TYSND1: variants seen among roughly 807,000 people sequenced by gnomAD.
The protein encoded by TYSND1 is trypsin like peroxisomal matrix peptidase 1.
TYSND1 carries 30 observed loss-of-function variants against 37.2 expected under a neutral mutation model. That is an observed-to-expected ratio of 0.81 (90% confidence interval 0.60 to 1.09). The LOEUF (loss-of-function observed/expected upper bound fraction) is 1.09. TYSND1 is among the 50% of genes least tolerant of loss of function. The pLI is 0.00. For synonymous variants in TYSND1, 364 were observed against 383.8 expected, an observed-to-expected ratio of 0.95 and a Z score of 0.60; for missense variants, 806 against 817.4, an observed-to-expected ratio of 0.99 and a Z score of 0.17.
intron 3 of TYSND1, among the ~76,000 whole-genome samples, chr10:70,141,231 A>G (rs1352373768): frequency 1.4e-5 from 2 of 139,430 alleles, no homozygotes; most frequent in African/African-American, 5.3e-5. Flanking sequence ...GCGAGCCACC[A>G]TACCTGGCTT....
rs1488417301 is a variant in TYSND1, at chr10:70,140,102, G to GC, written c.1522dup (p.Ala508GlyfsTer33). ...GCTGAAGTTCAGGTGGGGGTAGGTGGCCCCCGTATTATTGTCCCGGGTGTT... is the reference window on the plus strand; with the variant it reads ...GCTGAAGTTCAGGTGGGGGTAGGTGGCCCCCCGTATTATTGTCCCGGGTGTT... On this transcript the variant is annotated frameshift_variant, in exon 4 of 4. Transcript: ENST00000287078. LOFTEE classifies it high-confidence loss of function. 6.2e-7 allele frequency: 1 copy of GC among 1,613,434 alleles called. No homozygotes were observed. The highest frequency in any genetic ancestry group is 1.3e-5 in the African/African-American group (1 of 74,920).
chr10:70,145,310 A>G (rs1316128723), intron 1 of TYSND1, 111 bp downstream of exon 1: 1 of 1,091,376 alleles, frequency 9.2e-7, no homozygotes, highest in Non-Finnish European at 1.2e-6. Context: ...CTACACGCCC[A>G]AAGCATCCGC....
At position 70,140,240 on chromosome 10, in the gene TYSND1, G is replaced by A. The variant is rs192487583; in HGVS notation, c.1484-99C>T. ...CTCCACCCTGGAGCCCCCAGGGCCT[G>A]GTAGGGCTGGATACCACCCCACGTG... On this transcript the variant is annotated intron_variant, in intron 3 of 3. Transcript: ENST00000287078. 8 of 1,002,698 alleles carry A rather than the reference G, an allele frequency of 8.0e-6. No individual in the cohort carries two copies. The African/African-American group carries it at 8.1e-5, about 10-fold the overall frequency. The allele number at this position is 1,002,698 out of a possible 1,614,324, so 62.1% of individuals were successfully genotyped here. A position where few individuals can be genotyped will look rare whatever the true frequency, so the allele number is the denominator to read the frequency against.
Position 70,139,997 on chromosome 10 carries a change from C to T in TYSND1, c.1628G>A (p.Arg543His), listed in dbSNP as rs750932595. 96 of 1,614,088 alleles carry T rather than the reference C, an allele frequency of 5.9e-5. No individual in the cohort carries two copies. Among genetic ancestry groups the T allele is most frequent in the Non-Finnish European group, 7.5e-5 (89 of 1,180,032 alleles). Reference sequence around the variant, plus strand: ...CACCACCCTGACTGGCTCAGCAGCGCGGTCCAGCTCACGGAGGCCACCTAG... The same window carrying T: ...CACCACCCTGACTGGCTCAGCAGCGTGGTCCAGCTCACGGAGGCCACCTAG... ...QDLGGLRELD[R>H]AAEPVRVVWR... The change falls in exon 4 of 4, where the codon CGC becomes CAC. Residue 543 changes from arginine (R) to histidine (H), a missense_variant. Arg to His is a conservative substitution (Grantham distance 29). Coordinates refer to ENST00000287078, the MANE Select transcript of TYSND1 (RefSeq NM_173555.4).
Position 70,139,585 on chromosome 10 carries a change from G to T in TYSND1, c.*339C>A. Reference sequence around the variant, plus strand: ...CAGACGCAAAACCAGGCACGGGCCTGCCTTCCAGCTGGAATCTACCTGTCA... The same window carrying T: ...CAGACGCAAAACCAGGCACGGGCCTTCCTTCCAGCTGGAATCTACCTGTCA... On this transcript the variant is annotated 3_prime_UTR_variant, in exon 4 of 4. Coordinates refer to ENST00000287078, the MANE Select transcript of TYSND1 (RefSeq NM_173555.4). 4.5e-6 allele frequency: 1 copy of T among 224,002 alleles called. No homozygotes were observed. Among genetic ancestry groups the T allele is most frequent in the Non-Finnish European group, 8.7e-6 (1 of 114,850 alleles). The allele number at this position is 224,002 out of a possible 1,614,324, so 13.9% of individuals were successfully genotyped here.
At chr10:70,141,612 G>T (rs1443177244) in intron 3 of TYSND1, among the ~76,000 whole-genome samples, 1 of 152,134 alleles carries the variant, frequency 6.6e-6, no homozygotes, top group Non-Finnish European at 1.5e-5. Context: ...CCTTCCCAGT[G>T]TCTCAGCTAT....
At chr10:70,145,171 T>C (rs533994435) in intron 1 of TYSND1, among the ~76,000 whole-genome samples, 1 of 152,292 alleles carries the variant, frequency 6.6e-6, no homozygotes, top group African/African-American at 2.4e-5. Flanking sequence ...AAAGATGCCC[T>C]GTTCCGGATT....
intron 1 of TYSND1, chr10:70,144,638 A>T: frequency 1.0e-6 from 1 of 985,732 alleles, no homozygotes; most frequent in Non-Finnish European, 1.2e-6. Flanking sequence ...CTTCCAACAG[A>T]CCTGGCAGTC....
At chr10:70,140,689 T>G (rs751927952) in intron 3 of TYSND1, among the ~76,000 whole-genome samples, 4 of 152,204 alleles carry the variant, frequency 2.6e-5, no homozygotes, top group Non-Finnish European at 5.9e-5. Context: ...CAGCTTTCCT[T>G]TATGTTCGTA....
In TYSND1 at chr10:70,145,998, C is replaced by T. The variant is rs1458915946; in HGVS notation, c.589G>A (p.Val197Met). 1.3e-6 allele frequency: 2 copies of T among 1,585,734 alleles called. No individual in the cohort carries two copies. The highest frequency in any genetic ancestry group is 1.7e-6 in the Non-Finnish European group (2 of 1,167,374). Residue 197 changes from valine (V) to methionine (M), a missense_variant, in exon 1 of 4, where the codon GTG becomes ATG. Physicochemically the swap from Val to Met is conservative, Grantham distance 21. This residue lies in a region of TYSND1 where 708 missense variants were observed against 705.4 expected (regional missense o/e 1.00). Transcript: ENST00000287078. ...ATGGCTGGCCCGCGCTCCTCCTCCACCTCCTCCTGGCCTAGCCGCACGCCC... is the reference window on the plus strand; with the variant it reads ...ATGGCTGGCCCGCGCTCCTCCTCCATCTCCTCCTGGCCTAGCCGCACGCCC... Reference protein sequence around the residue: ...LLGVRLGQEEVEEERGPAMAV... With the variant: ...LLGVRLGQEEMEEERGPAMAV...
At chr10:70,144,757 A>G in intron 1 of TYSND1, 1 of 985,554 alleles carries the variant, frequency 1.0e-6, no homozygotes, top group Non-Finnish European at 1.2e-6. Context: ...TGGCTGTCCT[A>G]TAGGCCACAG....
Position 70,143,826 on chromosome 10 carries a change from G to T in TYSND1, c.1297+16C>A, listed in dbSNP as rs74560210. ...TCAGAGGGGCCCTCCTTCAGGCTGC[G>T]CCCTTCGTCCTTTACCTTCATGGAA... On this transcript the variant is annotated intron_variant, in intron 2 of 3. Transcript: ENST00000287078. 0.043 allele frequency: 68,903 copies of T among 1,613,498 alleles called. 1,624 individuals are homozygous for T. The highest frequency in any genetic ancestry group is 0.06 in the East Asian group (2,691 of 44,866).
rs975456763 is a variant in TYSND1 at position 70,144,116 on chromosome 10, T to C, written c.1167-144A>G. ...CCAGCAGGCAACTCTGGGCAAGTCA[T>C]GTAACCATTCTGTGGTATCTCCAAA... On this transcript the variant is annotated intron_variant, in intron 1 of 3. Transcript: ENST00000287078. 3.1e-5 allele frequency: 31 copies of C among 1,001,724 alleles called. No homozygotes were observed. In the African/African-American group the frequency reaches 3.4e-4, roughly 11 times the overall value. 62.1% of individuals were successfully genotyped at this position (1,001,724 alleles called of 1,614,324 possible).
intron 3 of TYSND1, among the ~76,000 whole-genome samples, chr10:70,140,793 T>C (rs1004054741): frequency 1.3e-5 from 2 of 152,222 alleles, no homozygotes; most frequent in East Asian, 3.9e-4. Context: ...TGACATGAGT[T>C]GCACTAGTTT....
At position 70,138,648 on chromosome 10, in the gene TYSND1, G is replaced by GA. The variant is rs2072707592; in HGVS notation, c.*1275_*1276insT. ...AACTCCCCAACTGCCACCCACCTTA[G>GA]GCATTCTTTAAGCATCTGCTGCCAG... On this transcript the variant is annotated 3_prime_UTR_variant, in exon 4 of 4. Coordinates refer to ENST00000287078, the MANE Select transcript of TYSND1 (RefSeq NM_173555.4). 1 of 152,812 alleles carries GA rather than the reference G, an allele frequency of 6.5e-6. No individual in the cohort carries two copies. The highest frequency in any genetic ancestry group is 2.4e-5 in the African/African-American group (1 of 41,478). The allele number at this position is 152,812 out of a possible 1,614,324, so 9.5% of individuals were successfully genotyped here.
chr10:70,146,260 C>A lies in TYSND1; in HGVS notation c.327G>T (p.Gln109His), dbSNP rs915967318. ...GTGGGCCGGGCTCGAGGCTCGCGCACTGGGGCGTGCACAGCCCTGGGCGGC... is the reference window on the plus strand; with the variant it reads ...GTGGGCCGGGCTCGAGGCTCGCGCAATGGGGCGTGCACAGCCCTGGGCGGC... ...ERGRPGLCTP[Q>H]CASLEPGPPA... is the part of the protein sequence containing the mutation. Residue 109 changes from glutamine (Q) to histidine (H), a missense_variant, in exon 1 of 4, where the codon CAG (glutamine) becomes CAT (histidine). Physicochemically the swap from Gln to His is conservative, Grantham distance 24 (BLOSUM62 0). Coordinates refer to ENST00000287078, the MANE Select transcript of TYSND1 (RefSeq NM_173555.4). 1.6e-5 allele frequency: 24 copies of A among 1,479,530 alleles called. No individual in the cohort carries two copies. The highest frequency in any genetic ancestry group is 2.0e-5 in the Non-Finnish European group (23 of 1,123,608). The allele number at this position is 1,479,530 out of a possible 1,614,324, so 91.7% of individuals were successfully genotyped here.
rs142493168 is a variant in TYSND1, at chr10:70,142,722, G to A, written c.1429C>T (p.His477Tyr). Residue 477 changes from histidine (H) to tyrosine (Y), a missense_variant, in exon 3 of 4, where the codon CAC becomes TAC. His to Tyr is a moderately conservative substitution (Grantham distance 83, BLOSUM62 2). Coordinates refer to ENST00000287078, the MANE Select transcript of TYSND1 (RefSeq NM_173555.4). ...PVMLQTTCAV[H>Y]SGSSGGPLFS... ...AGGGGTCCCCCACTGGAGCCGCTGT[G>A]CACAGCACACGTGGTCTGCAGCATT... 480 of 1,612,912 alleles carry A rather than the reference G, an allele frequency of 3.0e-4. No individual in the cohort carries two copies. Among genetic ancestry groups the A allele is most frequent in the Non-Finnish European group, 3.8e-4 (443 of 1,179,542 alleles).
rs781572422 is a variant in TYSND1 at position 70,143,807 on chromosome 10, G to C, written c.1297+35C>G. On this transcript the variant is annotated intron_variant, in intron 2 of 3. Coordinates refer to ENST00000287078, the MANE Select transcript of TYSND1 (RefSeq NM_173555.4). ...TCCTGAGGCCCACCCTAGCTCAGAG[G>C]GGCCCTCCTTCAGGCTGCGCCCTTC... 8.7e-6 allele frequency: 14 copies of C among 1,612,280 alleles called. No individual in the cohort carries two copies. In the Admixed American group the frequency reaches 2.3e-4, roughly 27 times the overall value.
chr10:70,144,734 C>T, intron 1 of TYSND1: 2 of 985,660 alleles, frequency 2.0e-6, no homozygotes, highest in Non-Finnish European at 2.4e-6. Context: ...CATCAGTCTT[C>T]CCTATAAAGT....
Sources: gnomAD v4.1 joint callset for allele counts (sites outside exome capture counted in the v4.1 genomes callset) on GRCh38, gnomAD v4.1.1 for gene constraint, gnomAD v4.1.1 regional missense constraint, MANE v1.5 for transcripts, NCBI Gene and HGNC (gene_info 2026-07-23, HGNC 2026-07-21) for gene names.